CWF19L2: variants seen among roughly 807,000 people sequenced by gnomAD.
CWF19L2 encodes CWF19-like protein 2.
A neutral mutation model predicts 111.7 loss-of-function variants in CWF19L2; 98 were observed. The observed-to-expected ratio is 0.88, with a 90% confidence interval of 0.75 to 1.04. The LOEUF is 1.04. Ranked by LOEUF, CWF19L2 falls within the 50% of genes least tolerant of loss-of-function variation. CWF19L2 has a pLI of 0.00. For missense variants in CWF19L2, 1,101 were observed against 1,051.4 expected, an observed-to-expected ratio of 1.05 and a Z score of -0.65; for synonymous variants, 351 against 342.9, an observed-to-expected ratio of 1.02 and a Z score of -0.26.
chr11:107,376,566 C>G (rs1430586613), intron 12 of CWF19L2, among the ~76,000 whole-genome samples: 1,063 of 53,018 alleles, frequency 0.02, 161 homozygotes, highest in Admixed American at 0.19. Context: ...ATTCAACAAC[C>G]CTTCATGCTA....
At position 107,395,588 on chromosome 11, in the gene CWF19L2, T is replaced by C. The variant is rs372950552; in HGVS notation, c.1618-2693A>G. Among the ~76,000 whole-genome samples, 5 of 152,240 alleles carry C rather than the reference T, an allele frequency of 3.3e-5. No homozygotes were observed. In the East Asian group the frequency reaches 7.7e-4, roughly 23 times the overall value. ...CCCTGATCCTACACCATAGTCTAAA[T>C]AGTGAAATAAAGGTAAAGCATTTTC... On this transcript the variant is annotated intron_variant, in intron 10 of 17. Transcript: ENST00000282251.
intron 12 of CWF19L2, among the ~76,000 whole-genome samples, chr11:107,362,043 G>T (rs992489970): frequency 2.6e-5 from 4 of 152,282 alleles, no homozygotes; most frequent in East Asian, 1.9e-4. Context: ...TTCCCTTTCT[G>T]AGTCAAAGAA....
chr11:107,383,161 C>T (rs1185374203), intron 12 of CWF19L2, among the ~76,000 whole-genome samples: 1 of 152,156 alleles, frequency 6.6e-6, no homozygotes, highest in Non-Finnish European at 1.5e-5. Flanking sequence ...ATTAATCGTA[C>T]CCGAAGTGGG....
intron 8 of CWF19L2, among the ~76,000 whole-genome samples, chr11:107,419,421 A>C (rs1376373389): frequency 6.6e-6 from 1 of 152,224 alleles, no homozygotes; most frequent in African/African-American, 2.4e-5. Context: ...GGTAGTCTGT[A>C]AAACTTAGTA....
rs79396853 is a variant in CWF19L2, at chr11:107,361,477, T to A, written c.1873-7741A>T. Among the ~76,000 whole-genome samples, 244 of 152,374 alleles carry A rather than the reference T, an allele frequency of 1.6e-3. 1 individual carries two copies. Among genetic ancestry groups the A allele is most frequent in the African/African-American group, 5.6e-3 (233 of 41,590 alleles). ...ATTAAGGCTCTTTTTTGGTTCCATA[T>A]GAATTTTAATATTGTTTGTTCTAAT... On this transcript the variant is annotated intron_variant, in intron 12 of 17. Transcript: ENST00000282251.
chr11:107,358,651 A>G (rs1860275589), intron 12 of CWF19L2, among the ~76,000 whole-genome samples: 1 of 152,266 alleles, frequency 6.6e-6, no homozygotes, highest in Admixed American at 6.5e-5. Flanking sequence ...GAACAGGGAA[A>G]TCTATAGACA....
At chr11:107,431,822 A>G (rs550704908) in intron 7 of CWF19L2, among the ~76,000 whole-genome samples, 1 of 152,316 alleles carries the variant, frequency 6.6e-6, no homozygotes, top group East Asian at 1.9e-4. Context: ...AGAAAATTTA[A>G]TGTATAACAA....
At chr11:107,430,690 C>G (rs146586972) in intron 7 of CWF19L2, among the ~76,000 whole-genome samples, 3 of 151,984 alleles carry the variant, frequency 2.0e-5, no homozygotes, top group African/African-American at 7.2e-5. Context: ...TACATAGAAA[C>G]AGAAAGTAGG....
At chr11:107,450,703 A>C (rs1015222421) in intron 3 of CWF19L2, among the ~76,000 whole-genome samples, 1 of 152,182 alleles carries the variant, frequency 6.6e-6, no homozygotes, top group Non-Finnish European at 1.5e-5. Flanking sequence ...ATGAAAACAC[A>C]CAAAAAAAGA....
chr11:107,400,177 A>T (rs1860980251), intron 10 of CWF19L2, among the ~76,000 whole-genome samples: 1 of 152,072 alleles, frequency 6.6e-6, no homozygotes, highest in Admixed American at 6.6e-5. Flanking sequence ...AAAAGAACAA[A>T]CCAAACCCAA....
At chr11:107,426,522 C>G (rs141626729) in intron 8 of CWF19L2, among the ~76,000 whole-genome samples, 1 of 151,658 alleles carries the variant, frequency 6.6e-6, no homozygotes, top group African/African-American at 2.4e-5. Context: ...AAATTAAATG[C>G]GGAATTGTTT....
At chr11:107,444,922 A>G (rs1222399180) in intron 3 of CWF19L2, among the ~76,000 whole-genome samples, 1 of 152,192 alleles carries the variant, frequency 6.6e-6, no homozygotes, top group Non-Finnish European at 1.5e-5. Flanking sequence ...GCCACTACTG[A>G]TTAGTTCAAA....
intron 3 of CWF19L2, among the ~76,000 whole-genome samples, chr11:107,449,424 G>A (rs1027471769): frequency 2.0e-5 from 3 of 151,936 alleles, no homozygotes; most frequent in African/African-American, 4.8e-5. Context: ...ATAAATCTGT[G>A]GGTAAATATA....
At chr11:107,354,616 C>G (rs1860208490) in intron 12 of CWF19L2, among the ~76,000 whole-genome samples, 1 of 152,158 alleles carries the variant, frequency 6.6e-6, no homozygotes, top group South Asian at 2.1e-4. Context: ...ACCTTAAATG[C>G]ATAGCCCTAA....
intron 3 of CWF19L2, among the ~76,000 whole-genome samples, chr11:107,448,601 T>A (rs903471802): frequency 2.6e-5 from 4 of 152,132 alleles, no homozygotes; most frequent in African/African-American, 9.7e-5. Context: ...ACAATGAACC[T>A]AAGGCAGATG....
At chr11:107,347,441 A>G (rs1284229605) in intron 14 of CWF19L2, among the ~76,000 whole-genome samples, 4 of 152,204 alleles carry the variant, frequency 2.6e-5, no homozygotes, top group Non-Finnish European at 5.9e-5. Context: ...AACAACAACA[A>G]CAGCAACAGC....
intron 12 of CWF19L2, among the ~76,000 whole-genome samples, chr11:107,389,337 G>C (rs1860815499): frequency 6.6e-6 from 1 of 152,216 alleles, no homozygotes; most frequent in Admixed American, 6.5e-5. Context: ...AGCCATTATA[G>C]AGTGAAGGCA....
intron 4 of CWF19L2, among the ~76,000 whole-genome samples, chr11:107,442,630 G>C (rs143785243): frequency 6.6e-6 from 1 of 151,522 alleles, no homozygotes; most frequent in East Asian, 1.9e-4. Flanking sequence ...GGTGCAGAGA[G>C]CTCTGATTGT....
chr11:107,362,672 T>C (rs1188774766), intron 12 of CWF19L2, among the ~76,000 whole-genome samples: 1 of 151,116 alleles, frequency 6.6e-6, no homozygotes, highest in Non-Finnish European at 1.5e-5. Context: ...AACCCATCTG[T>C]ACATCACCAT....
Sources: allele counts gnomAD v4.1 joint callset (sites outside exome capture counted in the v4.1 genomes callset), GRCh38; gene constraint gnomAD v4.1.1; transcripts MANE v1.5; gene names NCBI Gene and HGNC (gene_info 2026-07-23, HGNC 2026-07-21).